GRAMD1A: variants seen among roughly 807,000 people sequenced by gnomAD.
GRAMD1A encodes protein Aster-A.
In GRAMD1A, 50 loss-of-function variants were observed where a neutral mutation model predicts 92.0. The observed-to-expected ratio is 0.54, with a 90% CI of 0.43 to 0.69. GRAMD1A has a LOEUF of 0.69. GRAMD1A is among the 30% of genes least tolerant of loss of function. The probability of loss-of-function intolerance (pLI) is 0.00; values close to 1 mark genes in which losing one functional copy is unlikely to be tolerated. For missense variants in GRAMD1A, 819 were observed against 978.9 expected, an observed-to-expected ratio of 0.84 and a Z score of 2.18; for synonymous variants, 405 against 403.6, an observed-to-expected ratio of 1.00 and a Z score of -0.04.
intron 11 of GRAMD1A, among the ~76,000 whole-genome samples, chr19:35,016,647 T>A (rs1266027957): frequency 6.7e-6 from 1 of 149,566 alleles, no homozygotes; most frequent in Non-Finnish European, 1.5e-5. Context: ...ACGCTTATAA[T>A]CCCAGCGCTT....
Position 35,011,465 on chromosome 19 carries a change from C to G in GRAMD1A, c.526-9C>G. ...TGCTCACACCTCTCTCTCTCTCTCT[C>G]CCTGACAGCATTTCTTCACTTCCTT... is the stretch of plus-strand genomic sequence containing the variant. On this transcript the variant is annotated splice_polypyrimidine_tract_variant and intron_variant, in intron 6 of 19. Coordinates refer to ENST00000317991, the MANE Select transcript of GRAMD1A (RefSeq NM_020895.5). The G allele has an allele frequency of 1.2e-6, 2 of 1,604,710 alleles. No individual in the cohort carries two copies. The highest frequency in any genetic ancestry group is 2.2e-5 in the South Asian group (2 of 90,976).
In GRAMD1A at chr19:35,021,028, G is replaced by A. The variant is rs975271612; in HGVS notation, c.1476-474G>A. On this transcript the variant is annotated intron_variant, in intron 13 of 19. Transcript: ENST00000317991. The surrounding 1 kb of genome is among the most constrained non-coding windows in gnomAD (Gnocchi z 5.3). The stretch of plus-strand genomic sequence containing the variant: ...GGAAAGAGAGCTCAAGGAATATCCC[G>A]AGGCATTTGGCCCAAATCACTACAA... Among the ~76,000 whole-genome samples the A allele has an allele frequency of 2.0e-5, 3 of 152,154 alleles. No individual in the cohort carries two copies. Among genetic ancestry groups the A allele is most frequent in the Non-Finnish European group, 4.4e-5 (3 of 68,024 alleles).
intron 11 of GRAMD1A, among the ~76,000 whole-genome samples, chr19:35,017,575 G>T (rs1347731077): frequency 3.3e-5 from 5 of 152,090 alleles, no homozygotes; most frequent in Admixed American, 3.3e-4. Context: ...CAGAGCTGTG[G>T]CTGCCCCTCT....
rs114229121 is a variant in GRAMD1A, at chr19:35,005,216, G to A, written c.9-3903G>A. Among the ~76,000 whole-genome samples, 598 of 148,024 alleles carry A rather than the reference G, an allele frequency of 4.0e-3. 3 individuals carry two copies. The highest frequency in any genetic ancestry group is 0.014 in the African/African-American group (569 of 40,556). ...CATCGTGGGTGGGGGTTGGGGGTGGGGAGAGAAGGATAAGAACTAGGGGGA... is the reference window on the plus strand; with the variant it reads ...CATCGTGGGTGGGGGTTGGGGGTGGAGAGAGAAGGATAAGAACTAGGGGGA... On this transcript the variant is annotated intron_variant, in intron 1 of 19. Transcript: ENST00000317991.
rs778542766 is a variant in GRAMD1A, at chr19:35,010,331, G to A, written c.477G>A (p.Thr159=). ...KEVTCLKKEK[T]AKLIPNAIQI... ...TGACATGTCTGAAGAAGGAAAAGAC[G>A]GCCAAGCTGATCCCCAACGCCATCC... The change falls in exon 6 of 20, where the codon ACG becomes ACA. Residue 159 remains threonine, a synonymous_variant. Coordinates refer to ENST00000317991, the MANE Select transcript of GRAMD1A (RefSeq NM_020895.5). 4.3e-6 allele frequency: 7 copies of A among 1,613,874 alleles called. No individual in the cohort carries two copies. The highest frequency in any genetic ancestry group is 4.5e-5 in the East Asian group (2 of 44,902).
chr19:35,017,266 C>T (rs773303469), intron 11 of GRAMD1A, among the ~76,000 whole-genome samples: 1 of 152,090 alleles, frequency 6.6e-6, no homozygotes, highest in Non-Finnish European at 1.5e-5. Context: ...ACCCATTAAA[C>T]CTCTTTTCTT....
intron 11 of GRAMD1A, among the ~76,000 whole-genome samples, chr19:35,016,625 G>T (rs1296681735): frequency 6.7e-6 from 1 of 148,290 alleles, no homozygotes; most frequent in African/African-American, 2.5e-5. Context: ...GGGGTGCTGG[G>T]CACAGTGGCT....
In GRAMD1A at chr19:35,026,167, C is replaced by T. The variant is rs748693586; in HGVS notation, c.*26C>T. 2.5e-6 allele frequency: 3 copies of T among 1,178,896 alleles called. No individual in the cohort carries two copies. Among genetic ancestry groups the T allele is most frequent in the Non-Finnish European group, 3.8e-6 (3 of 784,176 alleles). 73.0% of individuals were successfully genotyped at this position (1,178,896 alleles called of 1,614,324 possible). ...GGACCCCGGCCACGCAGCTGTTCCC[C>T]CACATGGACAGATGGACACACAGAG... On this transcript the variant is annotated 3_prime_UTR_variant, in exon 20 of 20. Coordinates refer to ENST00000317991, the MANE Select transcript of GRAMD1A (RefSeq NM_020895.5).
In GRAMD1A at chr19:35,011,465, C is replaced by T. The variant is rs2015236153; in HGVS notation, c.526-9C>T. On this transcript the variant is annotated splice_polypyrimidine_tract_variant and intron_variant, in intron 6 of 19. Transcript: ENST00000317991. ...TGCTCACACCTCTCTCTCTCTCTCT[C>T]CCTGACAGCATTTCTTCACTTCCTT... 6.2e-7 allele frequency: 1 copy of T among 1,604,710 alleles called. No individual in the cohort carries two copies. Among genetic ancestry groups the T allele is most frequent in the Non-Finnish European group, 8.5e-7 (1 of 1,175,302 alleles).
chr19:35,013,841 G>A lies in GRAMD1A; in HGVS notation c.870+150G>A. 1.3e-6 allele frequency: 1 copy of A among 761,670 alleles called. No homozygotes were observed. Among genetic ancestry groups the A allele is most frequent in the Non-Finnish European group, 2.1e-6 (1 of 470,026 alleles). The allele number at this position is 761,670 out of a possible 1,614,324, so 47.2% of individuals were successfully genotyped here. ...GGATGGAGGAACAGGACAGGGAGGG[G>A]AAGACGGACATGTGACAGGGAAAGA... On this transcript the variant is annotated intron_variant, in intron 9 of 19. Coordinates refer to ENST00000317991, the MANE Select transcript of GRAMD1A (RefSeq NM_020895.5). This position sits in a 1 kb window ranked among gnomAD's most constrained non-coding sequence, Gnocchi z 4.9.
rs933533976 is a variant in GRAMD1A, at chr19:35,010,239, G to T, written c.429+44G>T. 1.9e-6 allele frequency: 3 copies of T among 1,586,324 alleles called. No homozygotes were observed. In the African/African-American group the frequency reaches 4.0e-5, roughly 21 times the overall value. On this transcript the variant is annotated intron_variant, in intron 5 of 19. Transcript: ENST00000317991. Reference sequence around the variant, plus strand: ...AGGGTACAGGGGCGGGGGCCCCCATGGCCAGGCCCCACCCCGCTCCTATTG... The same window carrying T: ...AGGGTACAGGGGCGGGGGCCCCCATTGCCAGGCCCCACCCCGCTCCTATTG...
intron 1 of GRAMD1A, among the ~76,000 whole-genome samples, chr19:34,995,168 C>T (rs2013976356): frequency 6.6e-6 from 1 of 152,258 alleles, no homozygotes; most frequent in Admixed American, 6.5e-5. Flanking sequence ...GCCTCTCTGT[C>T]TGTCCGGCTA....
At chr19:35,014,130 T>G in intron 9 of GRAMD1A, 59 bp from the exon 10 acceptor site, 1 of 1,483,818 alleles carries the variant, frequency 6.7e-7, no homozygotes, top group Non-Finnish European at 9.4e-7. Flanking sequence ...CAGTGTGGAC[T>G]TGGGAGCCCT....
chr19:35,004,124 G>A (rs1254830418), intron 1 of GRAMD1A, among the ~76,000 whole-genome samples: 1 of 152,106 alleles, frequency 6.6e-6, no homozygotes, highest in Non-Finnish European at 1.5e-5. Context: ...AGCTATCAGG[G>A]AAGCTAAGGC....
At chr19:35,009,759 G>A in intron 3 of GRAMD1A, 129 bp from the exon 4 acceptor site, 1 of 711,392 alleles carries the variant, frequency 1.4e-6, no homozygotes, top group Non-Finnish European at 2.5e-6. Flanking sequence ...TGTCATTGTG[G>A]CTACTGGTGT....
Position 35,000,564 on chromosome 19 carries a change from G to A in GRAMD1A, c.8+78G>A. The A allele has an allele frequency of 1.7e-6, 2 of 1,144,398 alleles. No homozygotes were observed. The highest frequency in any genetic ancestry group is 2.2e-6 in the Non-Finnish European group (2 of 907,788). The allele number at this position is 1,144,398 out of a possible 1,614,324, so 70.9% of individuals were successfully genotyped here. A position where few individuals can be genotyped will look rare whatever the true frequency, so the allele number is the denominator to read the frequency against. On this transcript the variant is annotated intron_variant, in intron 1 of 19. Transcript: ENST00000317991. This position sits in a 1 kb window ranked among gnomAD's most constrained non-coding sequence, Gnocchi z 4.9. ...GGAGGGAGGGGGCGCCGCGGGCTTG[G>A]GGAGGGGGCGGAGCGGCCGCTGCAG...
At chr19:35,006,087 G>A (rs1250455979) in intron 1 of GRAMD1A, among the ~76,000 whole-genome samples, 1 of 152,200 alleles carries the variant, frequency 6.6e-6, no homozygotes, top group Non-Finnish European at 1.5e-5. Context: ...TAGCACTTTG[G>A]GATGCTGAGG....
chr19:35,023,405 C>T (rs777325851), intron 18 of GRAMD1A, 22 bp from the exon 19 acceptor site: 1 of 1,608,086 alleles, frequency 6.2e-7, no homozygotes, highest in Non-Finnish European at 8.5e-7. Flanking sequence ...CAAGGCCCTG[C>T]TCAGGCCTGG....
chr19:35,014,824 G>A (rs1268545757), intron 10 of GRAMD1A: 3 of 183,216 alleles, frequency 1.6e-5, no homozygotes, highest in Admixed American at 1.1e-4. Context: ...GCCAAGAGTT[G>A]GAGAACAGCC....
Sources: gnomAD v4.1 joint callset for allele counts (sites outside exome capture counted in the v4.1 genomes callset) on GRCh38, gnomAD v4.1.1 for gene constraint, Gnocchi (gnomAD v3.1) non-coding constraint, MANE v1.5 for transcripts, NCBI Gene and HGNC (gene_info 2026-07-23, HGNC 2026-07-21) for gene names.